TESC: variants seen among roughly 807,000 people sequenced by gnomAD.
The protein encoded by TESC is calcineurin B homologous protein 3.
In TESC, 19 loss-of-function variants were observed where a neutral mutation model predicts 31.0. That is an observed-to-expected ratio of 0.61 (90% CI 0.43 to 0.90). The LOEUF is 0.90. Among genes scored for constraint, TESC ranks in the 40% least tolerant of loss-of-function variants. The pLI is 0.00. For synonymous variants in TESC, 109 were observed against 114.8 expected (o/e 0.95, Z 0.32); for missense variants, 248 against 303.8 (o/e 0.82, Z 1.36).
At chr12:117,055,860 T>C (rs903404116) in intron 3 of TESC, among the ~76,000 whole-genome samples, 1 of 151,882 alleles carries the variant, frequency 6.6e-6, no homozygotes, top group Non-Finnish European at 1.5e-5. Flanking sequence ...CAGGTTCCTT[T>C]CCTGACCCAA....
intron 6 of TESC, among the ~76,000 whole-genome samples, chr12:117,044,914 AAG>A (rs56056927): frequency 0.37 from 56,167 of 151,468 alleles, 10,995 homozygotes; most frequent in African/African-American, 0.48. Context: ...AAAGAAAAAA[AAG>A]AGAGAGAGAC....
At chr12:117,074,586 G>A (rs1203196234) in intron 2 of TESC, among the ~76,000 whole-genome samples, 1 of 152,108 alleles carries the variant, frequency 6.6e-6, no homozygotes, top group Non-Finnish European at 1.5e-5. Flanking sequence ...AGGTCCTGAT[G>A]GCAGCCTGAG....
At chr12:117,051,681 G>C (rs1168703450) in intron 3 of TESC, among the ~76,000 whole-genome samples, 1 of 152,178 alleles carries the variant, frequency 6.6e-6, no homozygotes, top group East Asian at 1.9e-4. Context: ...ATTAAGATTA[G>C]CATGGGTGAA....
chr12:117,042,839 T>C (rs2135744819), intron 6 of TESC, among the ~76,000 whole-genome samples: 1 of 152,320 alleles, frequency 6.6e-6, no homozygotes, highest in East Asian at 1.9e-4. Context: ...ACGCTATTGA[T>C]TCCCACGCAA....
chr12:117,059,331 T>C (rs1954771260), intron 2 of TESC, among the ~76,000 whole-genome samples: 1 of 152,120 alleles, frequency 6.6e-6, no homozygotes, highest in African/African-American at 2.4e-5. Context: ...TCCCTCTGTG[T>C]CCCCGGCATG....
intron 2 of TESC, among the ~76,000 whole-genome samples, chr12:117,072,191 G>A (rs77861489): frequency 2.8e-4 from 42 of 152,240 alleles, no homozygotes; most frequent in African/African-American, 1.0e-3. Context: ...CCCTCAGGAT[G>A]GGGTGGAAGA....
intron 2 of TESC, 86 bp downstream of exon 2, chr12:117,075,185 C>A: frequency 7.5e-7 from 1 of 1,333,716 alleles, no homozygotes. Context: ...ACTACCCCCG[C>A]TACTCAGCAC....
intron 2 of TESC, among the ~76,000 whole-genome samples, chr12:117,063,557 C>T (rs1222831810): frequency 6.6e-6 from 1 of 152,202 alleles, no homozygotes; most frequent in Non-Finnish European, 1.5e-5. Flanking sequence ...TGGAGCTCCC[C>T]AACCCCCACC....
chr12:117,073,584 T>A, intron 2 of TESC, among the ~76,000 whole-genome samples: 1 of 152,202 alleles, frequency 6.6e-6, no homozygotes, highest in East Asian at 1.9e-4. Context: ...CTAGGGGAAA[T>A]TTAAGTCTGT....
intron 3 of TESC, among the ~76,000 whole-genome samples, chr12:117,051,406 C>T (rs768666584): frequency 2.6e-5 from 4 of 152,232 alleles, no homozygotes; most frequent in African/African-American, 4.8e-5. Context: ...TGCCCATCTG[C>T]GGGATGAGAT....
chr12:117,053,949 C>G (rs1216912034), intron 3 of TESC: 1 of 152,258 alleles, frequency 6.6e-6, no homozygotes, highest in Non-Finnish European at 1.5e-5. Flanking sequence ...TCTCTGAGAA[C>G]CAGGATTTAA....
chr12:117,044,269 C>T (rs965536525), intron 6 of TESC, among the ~76,000 whole-genome samples: 3 of 151,880 alleles, frequency 2.0e-5, no homozygotes, highest in Non-Finnish European at 4.4e-5. Context: ...GAGACCCTGT[C>T]TCTTAAAAAA....
chr12:117,066,976 G>A (rs143700999), intron 2 of TESC, among the ~76,000 whole-genome samples: 97 of 152,204 alleles, frequency 6.4e-4, no homozygotes, highest in Admixed American at 2.6e-3. Flanking sequence ...CCTCGGGAAC[G>A]CCTCCGCACC....
At chr12:117,070,198 C>A (rs1399627599) in intron 2 of TESC, among the ~76,000 whole-genome samples, 1 of 152,222 alleles carries the variant, frequency 6.6e-6, no homozygotes, top group Non-Finnish European at 1.5e-5. Context: ...TAGAAAACCC[C>A]TGGCAGAGAG....
intron 2 of TESC, among the ~76,000 whole-genome samples, chr12:117,071,193 T>C (rs1283292168): frequency 6.6e-6 from 1 of 152,212 alleles, no homozygotes; most frequent in African/African-American, 2.4e-5. Flanking sequence ...AGTCATTACA[T>C]TCACTCCTCA....
intron 6 of TESC, among the ~76,000 whole-genome samples, chr12:117,042,581 G>A (rs2135744526): frequency 6.6e-6 from 1 of 152,344 alleles, no homozygotes; most frequent in Non-Finnish European, 1.5e-5. Flanking sequence ...GGGAGGGCAG[G>A]GCCAGAGGGT....
intron 6 of TESC, among the ~76,000 whole-genome samples, chr12:117,045,998 C>T (rs951063732): frequency 2.0e-5 from 3 of 152,188 alleles, no homozygotes; most frequent in Non-Finnish European, 2.9e-5. Flanking sequence ...GTTTTCCCAC[C>T]AGTCAAAATG....
chr12:117,044,611 T>C (rs1260178235), intron 6 of TESC, among the ~76,000 whole-genome samples: 1 of 151,972 alleles, frequency 6.6e-6, no homozygotes, highest in East Asian at 1.9e-4. Flanking sequence ...TCTCAAAAGA[T>C]CCACAGGCCG....
At chr12:117,042,288 C>G (rs1954495999) in intron 6 of TESC, among the ~76,000 whole-genome samples, 1 of 152,174 alleles carries the variant, frequency 6.6e-6, no homozygotes, top group Non-Finnish European at 1.5e-5. Context: ...CCTCCCCTCC[C>G]CCAGCCCCCC....
Sources: gnomAD v4.1 joint callset for allele counts (sites outside exome capture counted in the v4.1 genomes callset) on GRCh38, gnomAD v4.1.1 for gene constraint, MANE v1.5 for transcripts, NCBI Gene and HGNC (gene_info 2026-07-23, HGNC 2026-07-21) for gene names.